The following KCNC2 variants were observed in gnomAD, a reference collection of about 807,000 sequenced individuals.
KCNC2 encodes the protein potassium voltage-gated channel subfamily C member 2.
KCNC2 carries 21 observed loss-of-function variants against 44.5 expected under a neutral mutation model. The observed-to-expected ratio is 0.47, with a 90% CI of 0.33 to 0.68. The LOEUF (loss-of-function observed/expected upper bound fraction) is 0.68, where lower values mean the gene tolerates loss of function less well. KCNC2 is among the 30% of genes least tolerant of loss of function. The probability of loss-of-function intolerance (pLI) is 0.01; values close to 1 mark genes in which losing one functional copy is unlikely to be tolerated. For synonymous variants in KCNC2, 391 were observed against 339.1 expected, an observed-to-expected ratio of 1.15 and a Z score of -1.68; for missense variants, 589 against 826.2, an observed-to-expected ratio of 0.71 and a Z score of 3.52.
chr12:75,114,593 T>C (rs1008501647), intron 2 of KCNC2, among the ~76,000 whole-genome samples: 4 of 152,100 alleles, frequency 2.6e-5, no homozygotes, highest in Non-Finnish European at 5.9e-5. Flanking sequence ...TGTTAGAAGA[T>C]GTTACTACAG....
intron 2 of KCNC2, among the ~76,000 whole-genome samples, chr12:75,156,048 G>C (rs1345792348): frequency 6.6e-6 from 1 of 151,818 alleles, no homozygotes. Flanking sequence ...TCTGATTTCA[G>C]GTCACCAGGA....
At chr12:75,086,536 A>G (rs1255579719) in intron 2 of KCNC2, among the ~76,000 whole-genome samples, 1 of 151,692 alleles carries the variant, frequency 6.6e-6, no homozygotes, top group Non-Finnish European at 1.5e-5. Flanking sequence ...TTTGTTCTCA[A>G]CCTACATTTG....
At chr12:75,140,410 T>C (rs1409040092) in intron 2 of KCNC2, among the ~76,000 whole-genome samples, 2 of 152,180 alleles carry the variant, frequency 1.3e-5, no homozygotes, top group Non-Finnish European at 2.9e-5. Flanking sequence ...GATAATTATT[T>C]TGTAAATGGC....
chr12:75,155,909 CTG>C (rs1463687253), intron 2 of KCNC2, among the ~76,000 whole-genome samples: 1 of 151,760 alleles, frequency 6.6e-6, no homozygotes, highest in Non-Finnish European at 1.5e-5. Flanking sequence ...AGAAATGGGA[CTG>C]TACATGAATA....
intron 2 of KCNC2, among the ~76,000 whole-genome samples, chr12:75,114,811 G>A (rs1221304142): frequency 6.8e-6 from 1 of 147,744 alleles, no homozygotes; most frequent in East Asian, 2.0e-4. Context: ...TATTTGTGTT[G>A]CCTTAGTCCT....
At chr12:75,195,397 T>C (rs1358403391) in intron 2 of KCNC2, among the ~76,000 whole-genome samples, 3 of 152,238 alleles carry the variant, frequency 2.0e-5, no homozygotes, top group Middle Eastern at 3.4e-3. Flanking sequence ...TATTATAGTG[T>C]TAAATCTTGT....
intron 2 of KCNC2, among the ~76,000 whole-genome samples, chr12:75,125,884 A>G (rs1243884255): frequency 6.6e-6 from 1 of 152,216 alleles, no homozygotes; most frequent in African/African-American, 2.4e-5. Context: ...TCTCTCACCT[A>G]GGCTCATCCA....
chr12:75,077,724 C>A (rs1233301893), intron 2 of KCNC2, among the ~76,000 whole-genome samples: 1 of 152,024 alleles, frequency 6.6e-6, no homozygotes, highest in Non-Finnish European at 1.5e-5. Context: ...TGAGTAATGT[C>A]CTTTGTTAGA....
chr12:75,193,400 G>A (rs12426298), intron 2 of KCNC2, among the ~76,000 whole-genome samples: 11,905 of 152,220 alleles, frequency 0.078, 541 homozygotes, highest in Admixed American at 0.14. Flanking sequence ...ATCCGGAGGA[G>A]CCTCAAATTC....
intron 2 of KCNC2, among the ~76,000 whole-genome samples, chr12:75,168,093 G>T (rs1891575578): frequency 1.3e-5 from 2 of 148,208 alleles, no homozygotes; most frequent in Non-Finnish European, 1.5e-5. Context: ...TTCATCATTT[G>T]CCCTCCTAAA....
intron 2 of KCNC2, among the ~76,000 whole-genome samples, chr12:75,139,450 G>C (rs1161039286): frequency 2.6e-5 from 4 of 152,210 alleles, no homozygotes; most frequent in Non-Finnish European, 5.9e-5. Context: ...TTGGCAACCA[G>C]CATGAAGAAT....
chr12:75,177,097 T>C (rs561411168), intron 2 of KCNC2, among the ~76,000 whole-genome samples: 24 of 147,996 alleles, frequency 1.6e-4, no homozygotes, highest in Non-Finnish European at 3.3e-4. Flanking sequence ...TATTGGAAAA[T>C]GGGAAGAAAT....
At chr12:75,152,816 G>A (rs1409238030) in intron 2 of KCNC2, among the ~76,000 whole-genome samples, 1 of 151,968 alleles carries the variant, frequency 6.6e-6, no homozygotes, top group Non-Finnish European at 1.5e-5. Context: ...AATAAATTAT[G>A]ACTCAATAAT....
chr12:75,136,316 G>GA (rs1360175190), intron 2 of KCNC2, among the ~76,000 whole-genome samples: 4 of 151,460 alleles, frequency 2.6e-5, no homozygotes, highest in Non-Finnish European at 5.9e-5. Context: ...AAAGCTAGTA[G>GA]AAAAAAAGAA....
intron 2 of KCNC2, among the ~76,000 whole-genome samples, chr12:75,072,872 A>C (rs1265622361): frequency 6.6e-6 from 1 of 152,194 alleles, no homozygotes; most frequent in Non-Finnish European, 1.5e-5. Flanking sequence ...TTGCCAAATA[A>C]ATATAACTTG....
rs538481842 is a variant in KCNC2, at chr12:75,044,949, T to A, written c.1781-1708A>T. Among the ~76,000 whole-genome samples, 7 of 152,094 alleles carry A rather than the reference T, an allele frequency of 4.6e-5. No homozygotes were observed. The East Asian group carries it at 1.4e-3, about 29-fold the overall frequency. On this transcript the variant is annotated intron_variant, in intron 4 of 4. Transcript: ENST00000549446. ...GTGGGAGGATATCTGGAATAATATT[T>A]AAGAATTGCAAGTAATTTGTCCCTA...
At chr12:75,071,018 T>G (rs191555141) in intron 2 of KCNC2, among the ~76,000 whole-genome samples, 2 of 152,338 alleles carry the variant, frequency 1.3e-5, no homozygotes, top group East Asian at 3.9e-4. Context: ...TATTTTCATG[T>G]ACCTATTACT....
intron 2 of KCNC2, among the ~76,000 whole-genome samples, chr12:75,119,445 A>C (rs1242230936): frequency 6.6e-6 from 1 of 152,184 alleles, no homozygotes; most frequent in Non-Finnish European, 1.5e-5. Context: ...TCAAAATAAC[A>C]CTGTAATATA....
chr12:75,111,809 T>C (rs1280240333), intron 2 of KCNC2, among the ~76,000 whole-genome samples: 1 of 152,152 alleles, frequency 6.6e-6, no homozygotes, highest in East Asian at 1.9e-4. Context: ...TCTTCCTTTA[T>C]GAACACAGAG....
Sources: gnomAD v4.1 joint callset for allele counts (sites outside exome capture counted in the v4.1 genomes callset) on GRCh38, gnomAD v4.1.1 for gene constraint, MANE v1.5 for transcripts, NCBI Gene and HGNC (gene_info 2026-07-23, HGNC 2026-07-21) for gene names.